OFD1: variants seen among roughly 807,000 people sequenced by gnomAD.
OFD1 encodes the protein centriole and centriolar satellite protein OFD1.
Under a neutral mutation model 81.4 loss-of-function variants are expected in OFD1, and 12 were observed. The ratio of observed to expected loss-of-function variants is 0.15; its 90% CI spans 0.09 to 0.24. OFD1 has a LOEUF of 0.24. Among genes scored for constraint, OFD1 ranks in the 10% least tolerant of loss-of-function variants. The pLI is 1.00. For missense variants in OFD1, 685 were observed against 733.9 expected (o/e 0.93, Z 0.77); for synonymous variants, 256 against 263.7 (o/e 0.97, Z 0.28).
At chrX:13,751,071 C>G (rs1039401921) in intron 9 of OFD1, among the ~76,000 whole-genome samples, 178 bp from the exon 10 acceptor site, 1 of 112,113 alleles carries the variant, frequency 8.9e-6, no homozygotes, top group African/African-American at 3.2e-5. Context: ...TTTCAATATG[C>G]TGTAACTAGG....
chrX:13,772,981 G>A, downstream of OFD1: 3 of 1,208,987 alleles, frequency 2.5e-6, no homozygotes, highest in Non-Finnish European at 3.4e-6. Flanking sequence ...CATTTTGCTC[G>A]CATCCTTTAA....
At chrX:13,767,056 C>T in intron 19 of OFD1, 71 bp from the exon 20 acceptor site, 2 of 1,088,228 alleles carry the variant, frequency 1.8e-6, no homozygotes, top group Non-Finnish European at 2.5e-6. Context: ...GCAAGGGCTC[C>T]TGCAGACTGG....
the OFD1 span, chrX:13,721,978 G>A: frequency 9.1e-6 from 1 of 109,826 alleles, no homozygotes; most frequent in African/African-American, 3.3e-5. Flanking sequence ...GGAAAGATAA[G>A]AAAAAGGTCC....
chrX:13,754,649 C>T (rs1027621519), intron 11 of OFD1, among the ~76,000 whole-genome samples: 2 of 111,337 alleles, frequency 1.8e-5, no homozygotes, highest in African/African-American at 6.5e-5. Context: ...CTCAGGTGGT[C>T]CGCCTGACTT....
At chrX:13,724,289 TAAG>T in the OFD1 span, among the ~76,000 whole-genome samples, 4 of 107,857 alleles carry the variant, frequency 3.7e-5, no homozygotes, top group African/African-American at 3.4e-5. Flanking sequence ...ATGGAAGATG[TAAG>T]AAGTAGGACA....
chrX:13,721,231 G>C, the OFD1 span: 1 of 111,860 alleles, frequency 8.9e-6, no homozygotes, highest in South Asian at 3.7e-4. Flanking sequence ...GTTAGGTTCA[G>C]GTCTAGCTCT....
chrX:13,734,600 G>C (rs375294496), upstream of OFD1: 9 of 732,067 alleles, frequency 1.2e-5, no homozygotes, highest in African/African-American at 1.8e-4. Flanking sequence ...CCTGTAGCCA[G>C]AACGCCGAAG....
At chrX:13,768,558 C>T (rs781586689) in intron 21 of OFD1, among the ~76,000 whole-genome samples, 160 bp from the exon 22 acceptor site, 1 of 111,961 alleles carries the variant, frequency 8.9e-6, no homozygotes, top group Admixed American at 9.4e-5. Context: ...AATGCATACC[C>T]TATAGTTTAT....
rs1369882775 is a variant in OFD1 at position 13,753,451 on chromosome X, G to C, written c.1129+10G>C. Reference sequence around the variant, plus strand: ...GAAAGGAAGAATAAAGGTGATGTTTGGGGGGAAAATAAGCTGTATTTTTCA... The same window carrying C: ...GAAAGGAAGAATAAAGGTGATGTTTCGGGGGAAAATAAGCTGTATTTTTCA... On this transcript the variant is annotated intron_variant, in intron 11 of 22. Transcript: ENST00000340096. 3 of 1,207,458 alleles carry C rather than the reference G, an allele frequency of 2.5e-6. No individual in the cohort carries two copies. The highest frequency in any genetic ancestry group is 3.4e-6 in the Non-Finnish European group (3 of 891,862).
In OFD1 at chrX:13,769,063, T is replaced by C; in HGVS notation, c.2997-3T>C. 8.5e-7 allele frequency: 1 copy of C among 1,177,977 alleles called. No individual in the cohort carries two copies. The highest frequency in any genetic ancestry group is 1.2e-6 in the Non-Finnish European group (1 of 864,933). ...TTTTAATTTTTATCTTTCCCTAATT[T>C]AGTTTAACAGGCTTTTCTCATGAAG... On this transcript the variant is annotated splice_polypyrimidine_tract_variant and splice_region_variant and intron_variant, in intron 22 of 22. Coordinates refer to ENST00000340096, the MANE Select transcript of OFD1 (RefSeq NM_003611.3).
chrX:13,770,683 G>A (rs1959711257), downstream of OFD1, among the ~76,000 whole-genome samples: 1 of 112,202 alleles, frequency 8.9e-6, no homozygotes, highest in African/African-American at 3.2e-5. Flanking sequence ...TTTATTTGTT[G>A]AAAAACTAGT....
At chrX:13,773,025 G>A (rs1196384425), downstream of OFD1, 2 of 1,207,978 alleles carry the variant, frequency 1.7e-6, no homozygotes, top group Admixed American at 2.2e-5. Flanking sequence ...TCATGAGGAA[G>A]TGGATCTGGA....
At chrX:13,769,030 T>G (rs997165877) in intron 22 of OFD1, 36 bp from the exon 23 acceptor site, 33 of 1,076,198 alleles carry the variant, frequency 3.1e-5, no homozygotes, top group Middle Eastern at 2.5e-4. Context: ...TTGACACAAA[T>G]TTTTACATTT....
In OFD1 at chrX:13,768,042, C is replaced by T; in HGVS notation, c.2758-12C>T. On this transcript the variant is annotated splice_polypyrimidine_tract_variant and intron_variant, in intron 20 of 22. Coordinates refer to ENST00000340096, the MANE Select transcript of OFD1 (RefSeq NM_003611.3). The stretch of plus-strand genomic sequence containing the variant: ...TATTTGTGTATTTTCTGTTTTGGTG[C>T]CTGTTTTATAGAAGATGATTGAAGA... The T allele has an allele frequency of 8.5e-7, 1 of 1,169,817 alleles. No individual in the cohort carries two copies. The highest frequency in any genetic ancestry group is 1.2e-6 in the Non-Finnish European group (1 of 858,779).
chrX:13,731,508 G>A (rs968719512), upstream of OFD1, among the ~76,000 whole-genome samples: 4 of 112,073 alleles, frequency 3.6e-5, no homozygotes, highest in East Asian at 5.6e-4. Context: ...GTCATTTTAC[G>A]AAATATTTTG....
At chrX:13,772,180 ATC>A (rs1465825404), downstream of OFD1, 1 of 112,604 alleles carries the variant, frequency 8.9e-6, no homozygotes, top group African/African-American at 3.2e-5. Flanking sequence ...TTAAAATGAA[ATC>A]TGTTATAAAA....
chrX:13,751,209 A>T, intron 9 of OFD1, 40 bp from the exon 10 acceptor site: 3 of 1,181,885 alleles, frequency 2.5e-6, no homozygotes, highest in Non-Finnish European at 3.4e-6. Context: ...TAGCTCAGCT[A>T]TGGTAGTTTA....
Position 13,749,283 on chromosome X carries a change from C to T in OFD1, c.829-144C>T, listed in dbSNP as rs1430439437. 5 of 465,740 alleles carry T rather than the reference C, an allele frequency of 1.1e-5. No homozygotes were observed. The East Asian group carries it at 1.9e-4, about 18-fold the overall frequency. 38.4% of individuals were successfully genotyped at this position (465,740 alleles called of 1,213,427 possible). A position where few individuals can be genotyped will look rare whatever the true frequency, so the allele number is the denominator to read the frequency against. ...GCAACTAGAATACGCAAAAAGTATACCTTGAGTCGGAATCTCTTGAAGGTG... is the reference window on the plus strand; with the variant it reads ...GCAACTAGAATACGCAAAAAGTATATCTTGAGTCGGAATCTCTTGAAGGTG... On this transcript the variant is annotated intron_variant, in intron 8 of 22. Transcript: ENST00000340096.
chrX:13,759,277 C>T (rs777635021), intron 15 of OFD1, among the ~76,000 whole-genome samples: 3 of 112,202 alleles, frequency 2.7e-5, no homozygotes, highest in Non-Finnish European at 3.8e-5. Flanking sequence ...TATCTCTACT[C>T]GTTTCTGCTT....
Sources: allele counts gnomAD v4.1 joint callset (sites outside exome capture counted in the v4.1 genomes callset), GRCh38; gene constraint gnomAD v4.1.1; transcripts MANE v1.5; gene names NCBI Gene and HGNC (gene_info 2026-07-23, HGNC 2026-07-21).